Variants in DLC1 observed in about 807,000 individuals in gnomAD.
DLC1 encodes DLC1 Rho GTPase activating protein.
A neutral mutation model predicts 140.3 loss-of-function variants in DLC1; 54 were observed. The observed-to-expected ratio is 0.38, with a 90% CI of 0.31 to 0.48. The LOEUF (loss-of-function observed/expected upper bound fraction) is 0.48, where lower values mean the gene tolerates loss of function less well. Ranked by LOEUF, DLC1 falls within the 20% of genes least tolerant of loss-of-function variation. The pLI is 0.96. For missense variants in DLC1, 2,536 were observed against 1,907.0 expected, an observed-to-expected ratio of 1.33 and a Z score of -6.14; for synonymous variants, 986 against 728.1, an observed-to-expected ratio of 1.35 and a Z score of -5.70.
intron 1 of DLC1, among the ~76,000 whole-genome samples, chr8:13,590,020 T>A (rs992050794): frequency 2.0e-5 from 3 of 150,360 alleles, no homozygotes; most frequent in African/African-American, 7.4e-5. Context: ...TATTTTAAAA[T>A]GTTATGGAAA....
chr8:13,127,354 A>G (rs1234231735), intron 5 of DLC1, among the ~76,000 whole-genome samples: 1 of 152,214 alleles, frequency 6.6e-6, no homozygotes, highest in East Asian at 1.9e-4. Flanking sequence ...ACCTCTCTGC[A>G]TCTCAGCCGC....
intron 3 of DLC1, among the ~76,000 whole-genome samples, chr8:13,395,869 G>C (rs1304484386): frequency 3.3e-5 from 5 of 150,506 alleles, no homozygotes; most frequent in African/African-American, 9.8e-5. Flanking sequence ...TTTTTGCATA[G>C]AAAAGACAAA....
chr8:13,356,189 T>C (rs1717389651), intron 4 of DLC1, among the ~76,000 whole-genome samples: 1 of 152,054 alleles, frequency 6.6e-6, no homozygotes. Context: ...ACCACTGACT[T>C]GGCATTATCT....
chr8:13,547,875 C>T (rs955664859), intron 1 of DLC1, among the ~76,000 whole-genome samples: 5 of 125,222 alleles, frequency 4.0e-5, no homozygotes, highest in South Asian at 3.5e-4. Flanking sequence ...CCATTTCACG[C>T]GTTTCCTTTC....
chr8:13,276,617 C>T, intron 5 of DLC1: 1 of 1,222,314 alleles, frequency 8.2e-7, no homozygotes. Flanking sequence ...CCTGCGCCGG[C>T]GACACCCTCG....
At chr8:13,196,909 A>G (rs553793672) in intron 5 of DLC1, among the ~76,000 whole-genome samples, 4 of 152,338 alleles carry the variant, frequency 2.6e-5, no homozygotes, top group East Asian at 3.9e-4. Flanking sequence ...AGGGATTAAA[A>G]TCTATCTTAG....
chr8:13,294,651 T>G (rs1313868409), intron 5 of DLC1, among the ~76,000 whole-genome samples: 2 of 151,882 alleles, frequency 1.3e-5, no homozygotes, highest in African/African-American at 4.8e-5. Flanking sequence ...TAGAAGAGGA[T>G]GGAAAATTAG....
intron 2 of DLC1, among the ~76,000 whole-genome samples, chr8:13,429,850 C>T (rs1488092703): frequency 6.6e-6 from 1 of 152,164 alleles, no homozygotes; most frequent in African/African-American, 2.4e-5. Flanking sequence ...ATAATGCATA[C>T]TTTAATGTAG....
chr8:13,542,658 T>A (rs575282530), intron 1 of DLC1, among the ~76,000 whole-genome samples: 9 of 152,290 alleles, frequency 5.9e-5, no homozygotes, highest in South Asian at 2.1e-4. Context: ...TAGATCTTTT[T>A]AAACATTTAG....
chr8:13,295,979 G>A (rs1332235683), intron 5 of DLC1, among the ~76,000 whole-genome samples: 1 of 104,206 alleles, frequency 9.6e-6, no homozygotes, highest in African/African-American at 3.8e-5. Context: ...TGGAGACAGA[G>A]TCTCATTCTA....
chr8:13,355,923 A>G (rs1172144575), intron 4 of DLC1, among the ~76,000 whole-genome samples: 1 of 151,394 alleles, frequency 6.6e-6, no homozygotes, highest in Non-Finnish European at 1.5e-5. Flanking sequence ...TCTCTACTAA[A>G]AAAAAAATTC....
chr8:13,331,620 G>C (rs1008524756), intron 4 of DLC1, among the ~76,000 whole-genome samples: 1 of 151,560 alleles, frequency 6.6e-6, no homozygotes, highest in Non-Finnish European at 1.5e-5. Context: ...TTCTAATTCA[G>C]AAATGATGGA....
chr8:13,392,186 C>A lies in DLC1; in HGVS notation c.1314+1367G>T, dbSNP rs532104999. On this transcript the variant is annotated intron_variant, in intron 4 of 17. Transcript: ENST00000276297. ...TAGTTCCTCCTATTCCCAATATATG[C>A]AGTATTATCATAGCTTGTACAGCAT... is the stretch of plus-strand genomic sequence containing the variant. Among the ~76,000 whole-genome samples, 408 of 152,214 alleles carry A rather than the reference C, an allele frequency of 2.7e-3. 3 individuals carry two copies. Among genetic ancestry groups the A allele is most frequent in the African/African-American group, 9.3e-3 (387 of 41,550 alleles).
chr8:13,402,208 C>G (rs912253460), intron 2 of DLC1, among the ~76,000 whole-genome samples: 1 of 152,130 alleles, frequency 6.6e-6, no homozygotes, highest in Admixed American at 6.6e-5. Context: ...ACTTATAAAA[C>G]AGCTCCCACA....
intron 1 of DLC1, among the ~76,000 whole-genome samples, chr8:13,598,692 A>G (rs1805763974): frequency 6.6e-6 from 1 of 151,998 alleles, no homozygotes; most frequent in Non-Finnish European, 1.5e-5. Context: ...TTATTGCATT[A>G]CTACTTTTGT....
intron 2 of DLC1, among the ~76,000 whole-genome samples, chr8:13,455,666 C>G (rs1321675149): frequency 6.6e-6 from 1 of 152,176 alleles, no homozygotes. Context: ...TTTCTCTTTT[C>G]AACAGTTGTC....
Position 13,100,137 on chromosome 8 carries a change from C to A in DLC1, c.2200G>T (p.Val734Phe), listed in dbSNP as rs1050940151. Residue 734 changes from valine (V) to phenylalanine (F), a missense_variant, in exon 9 of 18, where the codon GTT becomes TTT. By Grantham distance (50) the Val-to-Phe change is conservative. Coordinates refer to ENST00000276297, the MANE Select transcript of DLC1 (RefSeq NM_182643.3). The stretch of plus-strand genomic sequence containing the variant: ...CTGCTGGTCTGCGTGGAGTTGGAAA[C>A]GCTCCTCTTTCGTACCATGGGGACG... ...INVPMVRKRS[V>F]SNSTQTSSSS... 1 of 1,614,116 alleles carries A rather than the reference C, an allele frequency of 6.2e-7. No individual in the cohort carries two copies. The highest frequency in any genetic ancestry group is 1.1e-5 in the South Asian group (1 of 91,088).
At chr8:13,262,334 G>A (rs1237487462) in intron 5 of DLC1, among the ~76,000 whole-genome samples, 3 of 151,690 alleles carry the variant, frequency 2.0e-5, no homozygotes, top group Non-Finnish European at 4.4e-5. Context: ...AATGATAAAA[G>A]CCATTAAAAT....
intron 10 of DLC1, among the ~76,000 whole-genome samples, chr8:13,098,124 C>T (rs1818668637): frequency 6.6e-6 from 1 of 151,414 alleles, no homozygotes; most frequent in South Asian, 2.1e-4. Context: ...ACTCTGGAGC[C>T]TCAGGTGGGA....
Sources: allele counts gnomAD v4.1 joint callset (sites outside exome capture counted in the v4.1 genomes callset), GRCh38; gene constraint gnomAD v4.1.1; transcripts MANE v1.5; gene names NCBI Gene and HGNC (gene_info 2026-07-23, HGNC 2026-07-21).